The following SH3BP5 variants were observed in gnomAD, a reference collection of about 807,000 sequenced individuals.
The protein encoded by SH3BP5 is SH3 domain binding protein 5.
SH3BP5 carries 22 observed loss-of-function variants against 43.3 expected under a neutral mutation model. That is an observed-to-expected ratio of 0.51 (90% confidence interval 0.36 to 0.73). The LOEUF is 0.73. Among genes scored for constraint, SH3BP5 ranks in the 30% least tolerant of loss-of-function variants. SH3BP5 has a pLI of 0.00. For synonymous variants in SH3BP5, 255 were observed against 225.8 expected (o/e 1.13, Z -1.16); for missense variants, 529 against 586.9 (o/e 0.90, Z 1.02).
chr3:15,273,445 GAGA>G (rs1696873661), intron 3 of SH3BP5: 2 of 975,918 alleles, frequency 2.0e-6, no homozygotes, highest in East Asian at 1.1e-4. Flanking sequence ...AGCTGCCTTT[GAGA>G]AGAACATGTG....
intron 2 of SH3BP5, among the ~76,000 whole-genome samples, chr3:15,308,036 G>GA (rs534506206): frequency 7.9e-5 from 12 of 151,924 alleles, no homozygotes; most frequent in South Asian, 2.1e-4. Context: ...TTCATTTAAA[G>GA]AAAAAAAATA....
Position 15,256,172 on chromosome 3 carries a change from C to G in SH3BP5, c.1282G>C (p.Glu428Gln). 1 of 1,614,214 alleles carries G rather than the reference C, an allele frequency of 6.2e-7. No individual in the cohort carries two copies. The highest frequency in any genetic ancestry group is 8.5e-7 in the Non-Finnish European group (1 of 1,180,034). The change falls in exon 9 of 9, where the codon GAG becomes CAG. Residue 428 changes from glutamate (E) to glutamine (Q), a missense_variant. This residue lies in a region of SH3BP5 where 369 missense variants were observed against 384.3 expected (regional missense o/e 0.96). Transcript: ENST00000383791. ...AGGGAGAGCTGCTTCATCCGGTTCT[C>G]CAAGGCCTGGCCCTCAGGGGAGGTG... ...SSTSPEGQAL[E>Q]NRMKQLSLQC... is the part of the protein sequence containing the mutation.
At chr3:15,328,000 T>C (rs1698507000) in intron 2 of SH3BP5, among the ~76,000 whole-genome samples, 1 of 152,226 alleles carries the variant, frequency 6.6e-6, no homozygotes, top group Admixed American at 6.5e-5. Context: ...TTTAAATTCA[T>C]TTCAGCTGTT....
chr3:15,304,235 C>A lies in SH3BP5; in HGVS notation c.202-4G>T. Reference sequence around the variant, plus strand: ...AGCGGAACTTCTGACGAGCATCCTGCAGCCAGGGGAAACCGAGGAAACACA... The same window carrying A: ...AGCGGAACTTCTGACGAGCATCCTGAAGCCAGGGGAAACCGAGGAAACACA... On this transcript the variant is annotated splice_region_variant and splice_polypyrimidine_tract_variant and intron_variant, in intron 2 of 8. Transcript: ENST00000383791. 1 of 1,614,134 alleles carries A rather than the reference C, an allele frequency of 6.2e-7. No individual in the cohort carries two copies. Among genetic ancestry groups the A allele is most frequent in the Non-Finnish European group, 8.5e-7 (1 of 1,179,994 alleles).
At chr3:15,288,949 A>G (rs1009597004) in intron 3 of SH3BP5, among the ~76,000 whole-genome samples, 3 of 152,206 alleles carry the variant, frequency 2.0e-5, no homozygotes, top group African/African-American at 7.2e-5. Flanking sequence ...ATGGGAAAGG[A>G]GGTTTTCCAT....
At chr3:15,271,146 G>T (rs1696786770) in intron 3 of SH3BP5, among the ~76,000 whole-genome samples, 1 of 152,002 alleles carries the variant, frequency 6.6e-6, no homozygotes. Context: ...GGGGGGCCAA[G>T]GCAGGAGGAC....
intron 3 of SH3BP5, among the ~76,000 whole-genome samples, chr3:15,289,703 A>G (rs1015522204): frequency 6.6e-6 from 1 of 152,200 alleles, no homozygotes; most frequent in Non-Finnish European, 1.5e-5. Flanking sequence ...ACCTTCACCC[A>G]TATATTTTCC....
At chr3:15,301,322 G>T (rs1339403535) in intron 3 of SH3BP5, among the ~76,000 whole-genome samples, 1 of 152,178 alleles carries the variant, frequency 6.6e-6, no homozygotes, top group East Asian at 1.9e-4. Context: ...GAGGGCAGGG[G>T]AGGAACCTCT....
chr3:15,283,328 G>GGC (rs1246120712), intron 3 of SH3BP5, among the ~76,000 whole-genome samples: 12 of 152,250 alleles, frequency 7.9e-5, no homozygotes, highest in African/African-American at 2.9e-4. Flanking sequence ...ACCCAGGAAA[G>GGC]GGAGGCTGCA....
chr3:15,291,532 T>C (rs1450641469), intron 3 of SH3BP5, among the ~76,000 whole-genome samples: 1 of 152,214 alleles, frequency 6.6e-6, no homozygotes, highest in Non-Finnish European at 1.5e-5. Context: ...TAACTGGGTG[T>C]TCTGTATTCC....
chr3:15,312,979 C>G (rs1029290948), intron 2 of SH3BP5, among the ~76,000 whole-genome samples: 3 of 152,214 alleles, frequency 2.0e-5, no homozygotes, highest in African/African-American at 7.2e-5. Flanking sequence ...CACAGTGGCT[C>G]ACGCCTGTAA....
intron 3 of SH3BP5, among the ~76,000 whole-genome samples, chr3:15,294,173 T>TA (rs1355509483): frequency 6.0e-5 from 9 of 150,388 alleles, no homozygotes; most frequent in Non-Finnish European, 1.3e-4. Context: ...ATAATGTACA[T>TA]AAAAGACCTA....
rs552946994 is a variant in SH3BP5, at chr3:15,327,952, A to C, written c.201+2552T>G. On this transcript the variant is annotated intron_variant, in intron 2 of 8. Transcript: ENST00000383791. ...TTTTTTAATAGCAAGTCCACGTTGAAATTGTACTGTCTTGGATATTCCGGG... is the reference window on the plus strand; with the variant it reads ...TTTTTTAATAGCAAGTCCACGTTGACATTGTACTGTCTTGGATATTCCGGG... 2.2e-4 allele frequency among the ~76,000 whole-genome samples: 33 copies of C among 152,322 alleles called. No homozygotes were observed. The South Asian group carries it at 6.0e-3, about 28-fold the overall frequency.
chr3:15,306,920 G>A (rs1258919488), intron 2 of SH3BP5, among the ~76,000 whole-genome samples: 3 of 152,068 alleles, frequency 2.0e-5, no homozygotes, highest in South Asian at 2.1e-4. Context: ...TAATCTACCC[G>A]CCTAGGCCTC....
At position 15,332,319 on chromosome 3, in the gene SH3BP5, C is replaced by T; in HGVS notation, c.90G>A (p.Gly30=). The T allele has an allele frequency of 1.3e-6, 2 of 1,547,298 alleles. No homozygotes were observed. Among genetic ancestry groups the T allele is most frequent in the South Asian group, 2.4e-5 (2 of 84,350 alleles). ...ARDEEEEEEE[G]MEQGLEEEEE... ...CTTCCTCCTCCAGCCCCTGCTCCAT[C>T]CCCTCTTCCTCCTCCTCCTCCTCGT... The change falls in exon 1 of 9, where the codon GGG becomes GGA. Residue 30 remains glycine (G), a synonymous_variant. Coordinates refer to ENST00000383791, the MANE Select transcript of SH3BP5 (RefSeq NM_004844.5).
intron 2 of SH3BP5, among the ~76,000 whole-genome samples, chr3:15,308,084 G>T (rs572930502): frequency 6.6e-5 from 10 of 152,302 alleles, no homozygotes; most frequent in African/African-American, 2.4e-4. Context: ...TTAGGCAGGG[G>T]TTACCCTCCT....
chr3:15,296,369 C>CACACA (rs879847873), intron 3 of SH3BP5, among the ~76,000 whole-genome samples: 1 of 150,912 alleles, frequency 6.6e-6, no homozygotes, highest in African/African-American at 2.5e-5. Context: ...CACACACACA[C>CACACA]CCCTATCCAG....
intron 3 of SH3BP5, among the ~76,000 whole-genome samples, chr3:15,299,666 A>T (rs570921874): frequency 2.6e-5 from 4 of 151,594 alleles, no homozygotes; most frequent in Admixed American, 2.0e-4. Flanking sequence ...CTAATTTTAA[A>T]TTTTTTTTAT....
intron 4 of SH3BP5, among the ~76,000 whole-genome samples, chr3:15,268,935 C>T (rs1696719045): frequency 6.6e-6 from 1 of 152,148 alleles, no homozygotes; most frequent in Non-Finnish European, 1.5e-5. Context: ...CCTCATGAGA[C>T]ACTGAATCTA....
Sources: allele counts gnomAD v4.1 joint callset (sites outside exome capture counted in the v4.1 genomes callset), GRCh38; gene constraint gnomAD v4.1.1; regional missense constraint gnomAD v4.1.1; transcripts MANE v1.5; gene names NCBI Gene and HGNC (gene_info 2026-07-23, HGNC 2026-07-21).